Variants in CSMD1 observed in about 807,000 individuals in gnomAD.
CSMD1 encodes CUB and sushi domain-containing protein 1.
CSMD1 carries 213 observed loss-of-function variants against 417.5 expected under a neutral mutation model. The ratio of observed to expected loss-of-function variants is 0.51; its 90% CI spans 0.46 to 0.57. CSMD1 has a LOEUF of 0.57. Ranked by LOEUF, CSMD1 falls within the 20% of genes least tolerant of loss-of-function variation. CSMD1 has a pLI of 0.00. For missense variants in CSMD1, 6,923 were observed against 4,529.7 expected (o/e 1.53, Z -15.17); for synonymous variants, 2,862 against 1,736.8 (o/e 1.65, Z -16.11).
At chr8:3,480,894 C>G (rs13280581) in intron 11 of CSMD1, among the ~76,000 whole-genome samples, 2 of 151,628 alleles carry the variant, frequency 1.3e-5, no homozygotes, top group African/African-American at 2.4e-5. Context: ...CAATGGCTCA[C>G]GCCTGTAATC....
At chr8:3,140,107 T>A (rs1414925434) in intron 41 of CSMD1, among the ~76,000 whole-genome samples, 1 of 152,138 alleles carries the variant, frequency 6.6e-6, no homozygotes, top group Admixed American at 6.5e-5. Context: ...TTTCACCATA[T>A]CGGCCAGGTT....
chr8:3,512,198 T>C (rs772591102), intron 10 of CSMD1, among the ~76,000 whole-genome samples: 16 of 152,228 alleles, frequency 1.1e-4, no homozygotes, highest in Non-Finnish European at 2.1e-4. Context: ...GATGAGTCTG[T>C]CCACCTAATT....
At chr8:4,611,157 C>T (rs1801146650) in intron 2 of CSMD1, among the ~76,000 whole-genome samples, 1 of 151,912 alleles carries the variant, frequency 6.6e-6, no homozygotes, top group Non-Finnish European at 1.5e-5. Context: ...TCTTCTAGAC[C>T]TCTCTATATG....
At chr8:4,024,439 C>G (rs1392933331) in intron 4 of CSMD1, among the ~76,000 whole-genome samples, 1 of 152,132 alleles carries the variant, frequency 6.6e-6, no homozygotes, top group African/African-American at 2.4e-5. Flanking sequence ...CAACCATGTT[C>G]ATATGTTACT....
At chr8:3,040,468 CTATA>C (rs1205468359) in intron 50 of CSMD1, among the ~76,000 whole-genome samples, 2 of 146,348 alleles carry the variant, frequency 1.4e-5, no homozygotes, top group African/African-American at 5.0e-5. Context: ...ATCTATCTAT[CTATA>C]TATATAAACA....
chr8:3,811,671 A>G (rs1801089087), intron 5 of CSMD1, among the ~76,000 whole-genome samples: 1 of 152,088 alleles, frequency 6.6e-6, no homozygotes, highest in African/African-American at 2.4e-5. Flanking sequence ...GCCAGGAATC[A>G]ATATTCAATA....
chr8:3,308,171 C>G (rs765591517), intron 24 of CSMD1, 141 bp downstream of exon 24: 12 of 679,762 alleles, frequency 1.8e-5, no homozygotes, highest in Non-Finnish European at 2.7e-5. Context: ...CAGACACGTG[C>G]AAATCTCAGA....
intron 2 of CSMD1, among the ~76,000 whole-genome samples, chr8:4,482,229 A>G (rs1047237513): frequency 2.0e-5 from 3 of 152,140 alleles, no homozygotes; most frequent in Non-Finnish European, 4.4e-5. Flanking sequence ...TTATTTTTCC[A>G]GATCCTCTCC....
chr8:3,555,676 A>C (rs906565407), intron 10 of CSMD1, among the ~76,000 whole-genome samples: 2 of 152,162 alleles, frequency 1.3e-5, no homozygotes, highest in African/African-American at 4.8e-5. Flanking sequence ...TGATAACTTA[A>C]ATGTGAGGGT....
At chr8:3,278,232 T>C (rs1563217414) in intron 26 of CSMD1, 1 of 152,208 alleles carries the variant, frequency 6.6e-6, no homozygotes, top group Non-Finnish European at 1.5e-5. Context: ...AGCTCCAATG[T>C]AACATGGAAT....
intron 3 of CSMD1, among the ~76,000 whole-genome samples, chr8:4,384,509 C>T (rs1230847485): frequency 2.0e-5 from 3 of 152,212 alleles, no homozygotes; most frequent in African/African-American, 7.2e-5. Context: ...ATAGTTGATA[C>T]TGTGACAAAT....
At chr8:4,321,072 C>G (rs991947732) in intron 3 of CSMD1, among the ~76,000 whole-genome samples, 2 of 152,116 alleles carry the variant, frequency 1.3e-5, no homozygotes, top group African/African-American at 2.4e-5. Flanking sequence ...CTTATGAAGT[C>G]TTGTCATACG....
At chr8:4,931,714 G>C (rs958941641) in intron 1 of CSMD1, among the ~76,000 whole-genome samples, 1 of 152,158 alleles carries the variant, frequency 6.6e-6, no homozygotes, top group African/African-American at 2.4e-5. Flanking sequence ...TTGAATTATT[G>C]AGCTGTTCCC....
intron 1 of CSMD1, chr8:4,787,580 C>T (rs1797472960): frequency 8.0e-6 from 12 of 1,508,900 alleles, no homozygotes; most frequent in East Asian, 2.3e-5. Flanking sequence ...CATTGCACCC[C>T]AGTGCGAAAT....
At chr8:3,108,416 G>A (rs929971808) in intron 44 of CSMD1, among the ~76,000 whole-genome samples, 187 bp downstream of exon 44, 17 of 152,174 alleles carry the variant, frequency 1.1e-4, no homozygotes, top group Non-Finnish European at 1.5e-5. Context: ...TGGATACGAT[G>A]TGAAATAATA....
chr8:3,016,620 T>A (rs1451825198), intron 52 of CSMD1, among the ~76,000 whole-genome samples: 1 of 152,246 alleles, frequency 6.6e-6, no homozygotes, highest in East Asian at 1.9e-4. Context: ...TACATATGTA[T>A]GTGTCATTTC....
At chr8:3,240,668 G>C (rs528217236) in intron 26 of CSMD1, among the ~76,000 whole-genome samples, 146 of 152,192 alleles carry the variant, frequency 9.6e-4, no homozygotes, top group African/African-American at 3.4e-3. Context: ...TGGAATGAAA[G>C]GCGCAAAGGA....
intron 5 of CSMD1, among the ~76,000 whole-genome samples, chr8:3,770,891 T>G (rs1054048762): frequency 1.3e-5 from 2 of 152,138 alleles, no homozygotes; most frequent in East Asian, 3.9e-4. Flanking sequence ...CTCATAGCAT[T>G]TTGCAGGATT....
intron 5 of CSMD1, among the ~76,000 whole-genome samples, chr8:3,976,799 G>C (rs143808879): frequency 6.6e-6 from 1 of 152,104 alleles, no homozygotes; most frequent in Non-Finnish European, 1.5e-5. Context: ...GCTCAAGGTC[G>C]CATGCCTGTA....
Sources: gnomAD v4.1 joint callset for allele counts (sites outside exome capture counted in the v4.1 genomes callset) on GRCh38, gnomAD v4.1.1 for gene constraint, MANE v1.5 for transcripts, NCBI Gene and HGNC (gene_info 2026-07-23, HGNC 2026-07-21) for gene names.